Variants in ITPKB observed in about 807,000 individuals in gnomAD.
ITPKB encodes inositol-trisphosphate 3-kinase B.
ITPKB carries 13 observed loss-of-function variants against 69.4 expected under a neutral mutation model. That is an observed-to-expected ratio of 0.19 (90% CI 0.12 to 0.30). ITPKB has a LOEUF of 0.30. Among genes scored for constraint, ITPKB ranks in the 10% least tolerant of loss-of-function variants. The probability of loss-of-function intolerance (pLI) is 1.00; values close to 1 mark genes in which losing one functional copy is unlikely to be tolerated. For synonymous variants in ITPKB, 584 were observed against 513.7 expected, an observed-to-expected ratio of 1.14 and a Z score of -1.85; for missense variants, 1,240 against 1,250.5, an observed-to-expected ratio of 0.99 and a Z score of 0.13.
At chr1:226,728,942 A>G (rs1365787957) in intron 2 of ITPKB, among the ~76,000 whole-genome samples, 1 of 152,132 alleles carries the variant, frequency 6.6e-6, no homozygotes, top group African/African-American at 2.4e-5. Flanking sequence ...CACCTTCCAG[A>G]TGGTTCTGTA....
At chr1:226,654,692 T>C (rs1471426323) in intron 2 of ITPKB, among the ~76,000 whole-genome samples, 3 of 152,134 alleles carry the variant, frequency 2.0e-5, no homozygotes, top group Non-Finnish European at 4.4e-5. Flanking sequence ...TCTGTGTGTT[T>C]TTCTGGATCA....
At chr1:226,674,334 G>A (rs1320775980) in intron 2 of ITPKB, among the ~76,000 whole-genome samples, 1 of 152,138 alleles carries the variant, frequency 6.6e-6, no homozygotes, top group Non-Finnish European at 1.5e-5. Flanking sequence ...GAGTAGCTGG[G>A]ATTACAGGCA....
At chr1:226,645,831 T>G (rs1246905501) in intron 4 of ITPKB, among the ~76,000 whole-genome samples, 1 of 151,928 alleles carries the variant, frequency 6.6e-6, no homozygotes, top group Non-Finnish European at 1.5e-5. Flanking sequence ...GGGAGGGAGG[T>G]GGCCAGGGAT....
intron 2 of ITPKB, among the ~76,000 whole-genome samples, chr1:226,682,738 TC>T (rs1656118977): frequency 6.6e-6 from 1 of 152,170 alleles, no homozygotes; most frequent in South Asian, 2.1e-4. Context: ...GATTCAGACT[TC>T]CTTGGGGAGG....
At chr1:226,649,831 C>CAAACA (rs938335217) in intron 2 of ITPKB, among the ~76,000 whole-genome samples, 1 of 130,684 alleles carries the variant, frequency 7.7e-6, no homozygotes, top group Admixed American at 8.1e-5. Flanking sequence ...CCAGCAAAAA[C>CAAACA]AAACAAAACA....
intron 2 of ITPKB, among the ~76,000 whole-genome samples, chr1:226,714,288 C>T (rs1657043197): frequency 6.6e-6 from 1 of 152,216 alleles, no homozygotes; most frequent in African/African-American, 2.4e-5. Context: ...TTCTCATTCC[C>T]TCTGTACAGT....
intron 2 of ITPKB, among the ~76,000 whole-genome samples, chr1:226,712,095 G>C (rs1656975242): frequency 1.3e-5 from 2 of 152,242 alleles, no homozygotes; most frequent in Admixed American, 6.5e-5. Flanking sequence ...AACTTAGCAA[G>C]AGTGAGATAA....
In ITPKB at chr1:226,737,314, T is replaced by C. The variant is rs759710127; in HGVS notation, c.145A>G (p.Ser49Gly). 2 of 1,586,298 alleles carry C rather than the reference T, an allele frequency of 1.3e-6. No homozygotes were observed. The highest frequency in any genetic ancestry group is 1.7e-6 in the Non-Finnish European group (2 of 1,172,590). ...RAVLSPGSVF[S>G]PGRGASFLFP... ...AGGAAAGAGGCGCCTCTCCCGGGGC[T>C]GAAAACGCTGCCGGGGCTCAGCACT... The change falls in exon 2 of 8, where the codon AGC becomes GGC. Residue 49 changes from serine (S) to glycine (G), a missense_variant. By Grantham distance (56) the Ser-to-Gly change is moderately conservative. This residue lies in a region of ITPKB where 992 missense variants were observed against 853.8 expected (regional missense o/e 1.16). Transcript: ENST00000429204.
intron 2 of ITPKB, among the ~76,000 whole-genome samples, chr1:226,664,097 G>A (rs1669452560): frequency 1.3e-5 from 2 of 152,348 alleles, no homozygotes; most frequent in Admixed American, 6.5e-5. Context: ...TGCCTGCACA[G>A]CTTACAGAAG....
intron 2 of ITPKB, among the ~76,000 whole-genome samples, chr1:226,652,435 C>G (rs1172678116): frequency 6.6e-6 from 1 of 152,206 alleles, no homozygotes; most frequent in Non-Finnish European, 1.5e-5. Flanking sequence ...CCAGATAAGA[C>G]AGGTAACAAG....
At chr1:226,722,703 G>A (rs1319397108) in intron 2 of ITPKB, among the ~76,000 whole-genome samples, 6 of 152,190 alleles carry the variant, frequency 3.9e-5, no homozygotes, top group Admixed American at 3.9e-4. Flanking sequence ...CCAGACATCA[G>A]TCCCTTCATC....
At chr1:226,697,861 G>A (rs993352469) in intron 2 of ITPKB, among the ~76,000 whole-genome samples, 4 of 152,204 alleles carry the variant, frequency 2.6e-5, no homozygotes, top group Non-Finnish European at 5.9e-5. Flanking sequence ...TCACATCTGG[G>A]TGATAAGGGG....
At chr1:226,658,040 G>A (rs140321134) in intron 2 of ITPKB, among the ~76,000 whole-genome samples, 2 of 152,220 alleles carry the variant, frequency 1.3e-5, no homozygotes, top group Non-Finnish European at 2.9e-5. Context: ...GATGAAGAAC[G>A]CCCCTGCCAG....
chr1:226,732,540 C>CTTTTTT (rs1174629347), intron 2 of ITPKB, among the ~76,000 whole-genome samples: 1 of 142,204 alleles, frequency 7.0e-6, no homozygotes, highest in African/African-American at 2.7e-5. Context: ...GCCCAGCGTT[C>CTTTTTT]TTTTGTTTTT....
intron 2 of ITPKB, among the ~76,000 whole-genome samples, chr1:226,651,627 C>T (rs1669195896): frequency 1.3e-5 from 2 of 152,168 alleles, no homozygotes; most frequent in Non-Finnish European, 2.9e-5. Flanking sequence ...TCTCCAGAGA[C>T]CCACAAGACA....
intron 2 of ITPKB, among the ~76,000 whole-genome samples, chr1:226,729,666 A>T (rs1244083558): frequency 6.6e-6 from 1 of 151,380 alleles, no homozygotes; most frequent in African/African-American, 2.4e-5. Flanking sequence ...GCAACCTCCA[A>T]CTCCTGGGTT....
chr1:226,701,816 G>A (rs1189280777), intron 2 of ITPKB, among the ~76,000 whole-genome samples: 2 of 152,098 alleles, frequency 1.3e-5, no homozygotes, highest in Non-Finnish European at 2.9e-5. Flanking sequence ...CCACCCAGTT[G>A]TGACTGCAGA....
At chr1:226,677,350 T>C (rs1260662078) in intron 2 of ITPKB, among the ~76,000 whole-genome samples, 1 of 152,200 alleles carries the variant, frequency 6.6e-6, no homozygotes, top group Non-Finnish European at 1.5e-5. Context: ...GGGAGAGACC[T>C]TGGTGTCAGG....
rs749765819 is a variant in ITPKB, at chr1:226,736,113, G to A, written c.1346C>T (p.Thr449Met). Residue 449 changes from threonine to methionine, a missense_variant, in exon 2 of 8, where the codon ACG becomes ATG. By Grantham distance (81) the Thr-to-Met change is moderately conservative. Around this residue, in one of 2 missense-constraint regions of ITPKB, gnomAD observed 992 missense variants for 853.8 expected, o/e 1.16. Transcript: ENST00000429204. ...LSDRVEGGSP[T>M]LGLLGGSPSA... ...GGGGCTGCCCCCAAGCAAGCCCAGC[G>A]TTGGGGACCCTCCCTCCACTCTGTC... 88 of 1,599,828 alleles carry A rather than the reference G, an allele frequency of 5.5e-5. No individual in the cohort carries two copies. Among genetic ancestry groups the A allele is most frequent in the East Asian group, 8.9e-5 (4 of 44,748 alleles).
Sources: allele counts gnomAD v4.1 joint callset (sites outside exome capture counted in the v4.1 genomes callset), GRCh38; gene constraint gnomAD v4.1.1; regional missense constraint gnomAD v4.1.1; transcripts MANE v1.5; gene names NCBI Gene and HGNC (gene_info 2026-07-23, HGNC 2026-07-21).